FAM110B: variants seen among roughly 807,000 people sequenced by gnomAD.
The protein encoded by FAM110B is protein FAM110B.
Under a neutral mutation model 20.4 loss-of-function variants are expected in FAM110B, and 6 were observed. The observed-to-expected ratio is 0.29, with a 90% CI of 0.16 to 0.58. The LOEUF (loss-of-function observed/expected upper bound fraction) is 0.58, where lower values mean the gene tolerates loss of function less well. Ranked by LOEUF, FAM110B falls within the 20% of genes least tolerant of loss-of-function variation. The probability of loss-of-function intolerance (pLI) is 0.90; values close to 1 mark genes in which losing one functional copy is unlikely to be tolerated. For synonymous variants in FAM110B, 226 were observed against 214.1 expected, an observed-to-expected ratio of 1.06 and a Z score of -0.49; for missense variants, 434 against 498.2, an observed-to-expected ratio of 0.87 and a Z score of 1.23.
intron 1 of FAM110B, among the ~76,000 whole-genome samples, chr8:57,997,095 G>A (rs1005809736): frequency 6.6e-6 from 1 of 152,180 alleles, no homozygotes; most frequent in African/African-American, 2.4e-5. Context: ...GCGAAGGCAT[G>A]GTATTAACTC....
intron 2 of FAM110B, among the ~76,000 whole-genome samples, chr8:58,046,801 T>G (rs1805327637): frequency 6.6e-6 from 1 of 152,224 alleles, no homozygotes; most frequent in Non-Finnish European, 1.5e-5. Flanking sequence ...TTTTAATTAC[T>G]GCATCTCCTG....
At chr8:58,110,628 G>T (rs1336045010) in intron 3 of FAM110B, among the ~76,000 whole-genome samples, 1 of 152,130 alleles carries the variant, frequency 6.6e-6, no homozygotes, top group Non-Finnish European at 1.5e-5. Flanking sequence ...CTTGGCTAAG[G>T]ATACATTTTA....
intron 2 of FAM110B, among the ~76,000 whole-genome samples, chr8:58,068,907 T>C (rs1674434985): frequency 6.6e-6 from 1 of 152,178 alleles, no homozygotes; most frequent in African/African-American, 2.4e-5. Context: ...TTAAAACTTT[T>C]CCCAATTTAT....
At chr8:58,122,001 C>T (rs920348319) in intron 3 of FAM110B, among the ~76,000 whole-genome samples, 2 of 152,206 alleles carry the variant, frequency 1.3e-5, no homozygotes, top group African/African-American at 2.4e-5. Flanking sequence ...TACTGAAGCA[C>T]ACCCTCTGTA....
intron 2 of FAM110B, chr8:58,070,346 G>A (rs1377095389): frequency 1.3e-5 from 2 of 152,240 alleles, no homozygotes; most frequent in African/African-American, 2.4e-5. Flanking sequence ...GTTAAGGACA[G>A]CCGGCTGCTG....
chr8:58,098,278 G>A (rs750284684), intron 3 of FAM110B, among the ~76,000 whole-genome samples: 4 of 152,236 alleles, frequency 2.6e-5, no homozygotes, highest in Non-Finnish European at 5.9e-5. Flanking sequence ...TCTGGCTACA[G>A]CGGCTTTCTC....
intron 3 of FAM110B, among the ~76,000 whole-genome samples, chr8:58,124,581 G>C (rs2150629425): frequency 1.3e-5 from 2 of 152,348 alleles, no homozygotes; most frequent in Middle Eastern, 3.4e-3. Context: ...AGAGGTGGAA[G>C]GTAGGAAGGC....
chr8:58,033,706 A>G (rs1261772291), intron 2 of FAM110B, among the ~76,000 whole-genome samples: 6 of 152,190 alleles, frequency 3.9e-5, no homozygotes, highest in Non-Finnish European at 2.9e-5. Flanking sequence ...AATTAAAACC[A>G]CAACAAGGTA....
chr8:58,135,128 C>T (rs561275996), intron 3 of FAM110B, among the ~76,000 whole-genome samples: 1 of 152,240 alleles, frequency 6.6e-6, no homozygotes, highest in South Asian at 2.1e-4. Context: ...GGTATGAAGC[C>T]CTTGCCCCTC....
intron 1 of FAM110B, among the ~76,000 whole-genome samples, chr8:58,000,216 G>A (rs1338759504): frequency 6.6e-6 from 1 of 152,222 alleles, no homozygotes; most frequent in African/African-American, 2.4e-5. Context: ...GGTCAGCAGG[G>A]CCTTATGGAC....
At chr8:58,040,398 G>T (rs909549826) in intron 2 of FAM110B, among the ~76,000 whole-genome samples, 1 of 152,128 alleles carries the variant, frequency 6.6e-6, no homozygotes, top group African/African-American at 2.4e-5. Flanking sequence ...TGCCATATGC[G>T]CATGGCGGCT....
intron 1 of FAM110B, among the ~76,000 whole-genome samples, chr8:57,998,158 C>T (rs891692866): frequency 3.9e-5 from 6 of 152,148 alleles, no homozygotes; most frequent in African/African-American, 9.7e-5. Context: ...AGAAAAGGTA[C>T]GCCACTTTTA....
At chr8:58,035,253 T>C (rs1434110876) in intron 2 of FAM110B, among the ~76,000 whole-genome samples, 1 of 152,228 alleles carries the variant, frequency 6.6e-6, no homozygotes, top group Non-Finnish European at 1.5e-5. Context: ...TGCTCACTTA[T>C]GTTATATGGT....
At chr8:58,142,324 C>G (rs918597528) in intron 3 of FAM110B, among the ~76,000 whole-genome samples, 1 of 152,126 alleles carries the variant, frequency 6.6e-6, no homozygotes, top group South Asian at 2.1e-4. Flanking sequence ...GTGAGAAATG[C>G]GTAATCTGGG....
intron 3 of FAM110B, among the ~76,000 whole-genome samples, chr8:58,107,342 T>A (rs1252988625): frequency 6.6e-6 from 1 of 152,192 alleles, no homozygotes; most frequent in Non-Finnish European, 1.5e-5. Flanking sequence ...AGTTTTTTGT[T>A]GTTGTTGTTG....
intron 2 of FAM110B, among the ~76,000 whole-genome samples, chr8:58,070,989 C>A (rs542636153): frequency 4.6e-5 from 7 of 152,078 alleles, no homozygotes; most frequent in Non-Finnish European, 1.0e-4. Flanking sequence ...TTTAGCTGTG[C>A]TTGAAAGAGA....
chr8:58,042,123 T>G (rs1805234852), intron 2 of FAM110B, among the ~76,000 whole-genome samples: 1 of 152,240 alleles, frequency 6.6e-6, no homozygotes, highest in East Asian at 1.9e-4. Flanking sequence ...AGGCAAAAAT[T>G]TAGAACAAGT....
chr8:58,050,426 TC>T, intron 2 of FAM110B, among the ~76,000 whole-genome samples: 1 of 152,112 alleles, frequency 6.6e-6, no homozygotes, highest in African/African-American at 2.4e-5. Flanking sequence ...TCTGTCAGGG[TC>T]TCCAGCGCAA....
rs1803881818 is a variant in FAM110B, at chr8:58,146,933, T to C, written c.703T>C (p.Ser235Pro). The stretch of plus-strand genomic sequence containing the variant: ...CAAGCCCAAAATCGCAGCCATCGCC[T>C]CCATGAAGTCCCCCGAGGCCGACCC... ...PPKPKIAAIA[S>P]MKSPEADPVE... Residue 235 changes from serine to proline, a missense_variant, in exon 4 of 4, where the codon TCC (serine) becomes CCC (proline). By Grantham distance (74) the Ser-to-Pro change is moderately conservative. This residue lies in a region of FAM110B where 284 missense variants were observed against 278.3 expected (regional missense o/e 1.02). Coordinates refer to ENST00000519262, the MANE Select transcript of FAM110B (RefSeq NM_001377989.1). 1 of 1,614,132 alleles carries C rather than the reference T, an allele frequency of 6.2e-7. No homozygotes were observed. Among genetic ancestry groups the C allele is most frequent in the East Asian group, 2.2e-5 (1 of 44,872 alleles).
Sources: gnomAD v4.1 joint callset for allele counts (sites outside exome capture counted in the v4.1 genomes callset) on GRCh38, gnomAD v4.1.1 for gene constraint, gnomAD v4.1.1 regional missense constraint, MANE v1.5 for transcripts, NCBI Gene and HGNC (gene_info 2026-07-23, HGNC 2026-07-21) for gene names.